The following MTMR10 variants were observed in gnomAD, a reference collection of about 807,000 sequenced individuals.
MTMR10 encodes myotubularin related protein 10, also known as myotubularin-related protein 10.
In MTMR10, 56 loss-of-function variants were observed where a neutral mutation model predicts 88.1. The ratio of observed to expected loss-of-function variants is 0.64; its 90% CI spans 0.51 to 0.79. The LOEUF is 0.79. Ranked by LOEUF, MTMR10 falls within the 30% of genes least tolerant of loss-of-function variation. The pLI is 0.00. For synonymous variants in MTMR10, 380 were observed against 340.9 expected (o/e 1.11, Z -1.26); for missense variants, 883 against 924.7 (o/e 0.95, Z 0.58).
the MTMR10 span, among the ~76,000 whole-genome samples, chr15:30,930,232 A>G: frequency 1.3e-5 from 2 of 151,486 alleles, no homozygotes; most frequent in Admixed American, 6.6e-5. Context: ...GCTGCCCTCT[A>G]TGAGGCCATG....
chr15:30,948,688 A>G (rs1053521302), intron 12 of MTMR10: 13 of 574,730 alleles, frequency 2.3e-5, no homozygotes, highest in Non-Finnish European at 3.6e-5. Context: ...TTATACATGG[A>G]TATTTGCCAG....
the MTMR10 span, among the ~76,000 whole-genome samples, chr15:30,930,351 C>G: frequency 6.6e-6 from 1 of 152,188 alleles, no homozygotes; most frequent in Non-Finnish European, 1.5e-5. Context: ...AGTCTCCCAC[C>G]ACTTGCCAGT....
At chr15:30,946,876 TAAAG>T (rs1210760609) in intron 14 of MTMR10, 10 of 613,404 alleles carry the variant, frequency 1.6e-5, no homozygotes, top group Non-Finnish European at 2.9e-5. Context: ...TTAAGGTGGT[TAAAG>T]TAATTTACAT....
rs1037357909 is a variant in MTMR10, at chr15:30,953,202, C to A, written c.1136+360G>T. Among the ~76,000 whole-genome samples the A allele has an allele frequency of 1.1e-4, 17 of 152,328 alleles. No individual in the cohort carries two copies. In the South Asian group the frequency reaches 1.7e-3, roughly 15 times the overall value. On this transcript the variant is annotated intron_variant, in intron 11 of 15. Coordinates refer to ENST00000435680, the MANE Select transcript of MTMR10 (RefSeq NM_017762.3). ...AGAGATTAGTGGTAGTCAACAGACACAGATGGCGATGAGGGTGCACCTATA... is the reference window on the plus strand; with the variant it reads ...AGAGATTAGTGGTAGTCAACAGACAAAGATGGCGATGAGGGTGCACCTATA...
At chr15:30,922,086 T>C in the MTMR10 span, 1 of 985,976 alleles carries the variant, frequency 1.0e-6, no homozygotes, top group Admixed American at 2.7e-5. Context: ...TCAAAGTCCC[T>C]GTCCTGTCAG....
chr15:30,991,531 T>C lies in MTMR10; in HGVS notation c.-25A>G, dbSNP rs1222578713. ...TGGTGCCGCCGCCTTTTCGCCCCGT[T>C]CCCGTCGCGGGCCAGTGGCAGCGCC... is the stretch of plus-strand genomic sequence containing the variant. On this transcript the variant is annotated 5_prime_UTR_variant, in exon 1 of 16. Transcript: ENST00000435680. The C allele has an allele frequency of 6.5e-7, 1 of 1,535,944 alleles. No homozygotes were observed. Among genetic ancestry groups the C allele is most frequent in the Non-Finnish European group, 8.7e-7 (1 of 1,148,690 alleles).
chr15:30,953,081 C>T (rs2063273329), intron 11 of MTMR10, among the ~76,000 whole-genome samples: 1 of 152,108 alleles, frequency 6.6e-6, no homozygotes, highest in African/African-American at 2.4e-5. Context: ...TGAGCCACCA[C>T]GCCTGGCCTC....
chr15:30,919,416 C>T, the MTMR10 span, among the ~76,000 whole-genome samples: 11 of 140,206 alleles, frequency 7.8e-5, no homozygotes, highest in East Asian at 1.9e-3. Context: ...AGGGGCTGGG[C>T]GTGGTGGCTC....
chr15:30,987,919 T>C (rs2031055925), intron 2 of MTMR10, among the ~76,000 whole-genome samples: 2 of 142,754 alleles, frequency 1.4e-5, no homozygotes, highest in African/African-American at 2.6e-5. Context: ...CCCCTCCCGG[T>C]GTCCATGTTG....
chr15:30,929,358 T>G, the MTMR10 span: 1 of 1,611,704 alleles, frequency 6.2e-7, no homozygotes, highest in Non-Finnish European at 8.5e-7. Flanking sequence ...TGGCTTCCCT[T>G]GTCAGCTGGG....
At chr15:30,989,621 C>T (rs368833135) in intron 2 of MTMR10, among the ~76,000 whole-genome samples, 13 of 151,520 alleles carry the variant, frequency 8.6e-5, no homozygotes, top group Admixed American at 2.6e-4. Flanking sequence ...CTCACTCTGC[C>T]GCCCAGGCTG....
In MTMR10 at chr15:30,941,259, A is replaced by G; in HGVS notation, c.*211T>C. Reference sequence around the variant, plus strand: ...CACGGTTACAAGAGCCAGACCTGTAATGACAGAAAGAGGACAGGAACAAAA... The same window carrying G: ...CACGGTTACAAGAGCCAGACCTGTAGTGACAGAAAGAGGACAGGAACAAAA... On this transcript the variant is annotated 3_prime_UTR_variant, in exon 16 of 16. Coordinates refer to ENST00000435680, the MANE Select transcript of MTMR10 (RefSeq NM_017762.3). 6.8e-7 allele frequency: 1 copy of G among 1,466,824 alleles called. No homozygotes were observed. Among genetic ancestry groups the G allele is most frequent in the South Asian group, 1.2e-5 (1 of 82,630 alleles). The allele number at this position is 1,466,824 out of a possible 1,614,324, so 90.9% of individuals were successfully genotyped here.
At chr15:30,965,999 T>C (rs1285957596) in intron 6 of MTMR10, 1 of 455,184 alleles carries the variant, frequency 2.2e-6, no homozygotes, top group South Asian at 1.6e-5. Flanking sequence ...TGTGTGGAAA[T>C]TTCAGGCTCC....
chr15:30,930,823 C>G, the MTMR10 span: 160,765 of 880,580 alleles, frequency 0.18, 17,388 homozygotes, highest in African/African-American at 0.41. Flanking sequence ...GGCCTGTCCC[C>G]TGCGACTGGC....
rs2063023697 is a variant in MTMR10 at position 30,940,905 on chromosome 15, G to A, written c.*565C>T. 3 of 1,031,004 alleles carry A rather than the reference G, an allele frequency of 2.9e-6. No individual in the cohort carries two copies. The highest frequency in any genetic ancestry group is 3.5e-6 in the Non-Finnish European group (3 of 857,010). The allele number at this position is 1,031,004 out of a possible 1,614,324, so 63.9% of individuals were successfully genotyped here. ...TAAAGTTGACCCTATGAAGTTAAAA[G>A]CAAACTCATGATTTCAAAACACAGT... On this transcript the variant is annotated 3_prime_UTR_variant, in exon 16 of 16. Coordinates refer to ENST00000435680, the MANE Select transcript of MTMR10 (RefSeq NM_017762.3).
the MTMR10 span, among the ~76,000 whole-genome samples, chr15:30,930,995 C>T: frequency 2.6e-5 from 4 of 152,136 alleles, no homozygotes; most frequent in Admixed American, 6.5e-5. Flanking sequence ...GGGGTCACAA[C>T]GGGTGTGGAC....
rs2063068145 is a variant in MTMR10, at chr15:30,941,887, G to A, written c.1917C>T (p.Ala639=). 6.2e-7 allele frequency: 1 copy of A among 1,613,886 alleles called. No individual in the cohort carries two copies. Among genetic ancestry groups the A allele is most frequent in the Non-Finnish European group, 8.5e-7 (1 of 1,179,902 alleles). Reference sequence around the variant, plus strand: ...GTGGCAGAATAACACCGTGCAGGTTGGCGGGTTTGGAAAACCATTCTCTAA... The same window carrying A: ...GTGGCAGAATAACACCGTGCAGGTTAGCGGGTTTGGAAAACCATTCTCTAA... ...QYFREWFSKP[A]NLHGVILPRV... The change falls in exon 16 of 16, where the codon GCC becomes GCT. Residue 639 remains alanine (A), a synonymous_variant. Coordinates refer to ENST00000435680, the MANE Select transcript of MTMR10 (RefSeq NM_017762.3).
At chr15:30,970,330 T>C (rs1295296815) in intron 5 of MTMR10, among the ~76,000 whole-genome samples, 2 of 151,958 alleles carry the variant, frequency 1.3e-5, no homozygotes, top group African/African-American at 4.8e-5. Flanking sequence ...TAACTATGAA[T>C]GCTAAAAGAG....
chr15:30,929,754 TATA>T, the MTMR10 span, among the ~76,000 whole-genome samples: 617 of 37,224 alleles, frequency 0.017, 117 homozygotes, highest in African/African-American at 0.069. Flanking sequence ...TCATATATAA[TATA>T]ATATATAAAA....
Sources: gnomAD v4.1 joint callset for allele counts (sites outside exome capture counted in the v4.1 genomes callset) on GRCh38, gnomAD v4.1.1 for gene constraint, MANE v1.5 for transcripts, NCBI Gene and HGNC (gene_info 2026-07-23, HGNC 2026-07-21) for gene names.